Variants in EXPH5 observed in about 807,000 individuals in gnomAD.
The protein encoded by EXPH5 is exophilin 5.
EXPH5 carries 42 observed loss-of-function variants against 41.1 expected under a neutral mutation model. The ratio of observed to expected loss-of-function variants is 1.02; its 90% CI spans 0.80 to 1.32. The LOEUF is 1.32. EXPH5 is among the 40% of genes most tolerant of loss of function. EXPH5 has a pLI of 0.00. For missense variants in EXPH5, 2,298 were observed against 2,314.5 expected, an observed-to-expected ratio of 0.99 and a Z score of 0.15; for synonymous variants, 798 against 833.5, an observed-to-expected ratio of 0.96 and a Z score of 0.73.
chr11:108,606,573 C>G, the EXPH5 span, among the ~76,000 whole-genome samples: 1 of 152,100 alleles, frequency 6.6e-6, no homozygotes, highest in Non-Finnish European at 1.5e-5. Flanking sequence ...CTCTAATGAG[C>G]TTGCAAACTC....
rs138271058 is a variant in EXPH5, at chr11:108,512,239, G to C, written c.3268C>G (p.Leu1090Val). The C allele has an allele frequency of 2.0e-4, 325 of 1,609,860 alleles. 1 individual carries two copies. The highest frequency in any genetic ancestry group is 1.9e-4 in the Admixed American group (11 of 59,022). Residue 1090 changes from leucine (L) to valine (V), a missense_variant, in exon 6 of 6, where the codon CTG becomes GTG. Coordinates refer to ENST00000265843, the MANE Select transcript of EXPH5 (RefSeq NM_015065.3). ...ECSKVLSDSA[L>V]EAPEATERMT... is the part of the protein sequence containing the mutation. ...CTCTCTGTGGCTTCAGGTGCTTCCA[G>C]GGCTGAGTCTGAAAGGACTTTGGAA...
chr11:108,594,726 A>G (rs2136134537), upstream of EXPH5, among the ~76,000 whole-genome samples: 1 of 152,358 alleles, frequency 6.6e-6, no homozygotes, highest in African/African-American at 2.4e-5. Flanking sequence ...GGTGATGATT[A>G]CTAACATATA....
intron 4 of EXPH5, among the ~76,000 whole-genome samples, chr11:108,526,530 G>A (rs1004267834): frequency 1.3e-5 from 2 of 152,196 alleles, no homozygotes; most frequent in Admixed American, 1.3e-4. Flanking sequence ...CTTCCCCTAG[G>A]AAAACCGAGA....
At chr11:108,532,678 G>A (rs769147098) in intron 3 of EXPH5, among the ~76,000 whole-genome samples, 1 of 151,976 alleles carries the variant, frequency 6.6e-6, no homozygotes, top group Non-Finnish European at 1.5e-5. Flanking sequence ...AACAAACAAA[G>A]CTTCCTTCAC....
At chr11:108,571,205 A>G (rs902509546) in intron 1 of EXPH5, among the ~76,000 whole-genome samples, 6 of 152,220 alleles carry the variant, frequency 3.9e-5, no homozygotes, top group African/African-American at 7.2e-5. Flanking sequence ...CCTTTTAAAG[A>G]CTTGCCTGGA....
At chr11:108,576,537 A>C (rs2094080249) in intron 1 of EXPH5, among the ~76,000 whole-genome samples, 1 of 152,176 alleles carries the variant, frequency 6.6e-6, no homozygotes, top group Non-Finnish European at 1.5e-5. Flanking sequence ...GGATAGTTTT[A>C]TGTTATATTA....
chr11:108,587,721 T>C (rs2094117626), intron 1 of EXPH5, among the ~76,000 whole-genome samples: 1 of 152,236 alleles, frequency 6.6e-6, no homozygotes, highest in South Asian at 2.1e-4. Context: ...ACATTCCATA[T>C]TTATTATCCA....
At chr11:108,587,835 C>A (rs774289147) in intron 1 of EXPH5, among the ~76,000 whole-genome samples, 11 of 152,192 alleles carry the variant, frequency 7.2e-5, no homozygotes, top group Non-Finnish European at 1.5e-4. Context: ...TCACTGCAAC[C>A]TCCACCTCCT....
At chr11:108,533,482 C>T (rs1228677991) in intron 3 of EXPH5, among the ~76,000 whole-genome samples, 1 of 152,176 alleles carries the variant, frequency 6.6e-6, no homozygotes, top group Non-Finnish European at 1.5e-5. Context: ...GGATTACAGG[C>T]GTGAGCCACC....
chr11:108,587,038 C>A (rs1426580361), intron 1 of EXPH5, among the ~76,000 whole-genome samples: 7 of 152,204 alleles, frequency 4.6e-5, no homozygotes, highest in Non-Finnish European at 8.8e-5. Flanking sequence ...CATGCCTTAG[C>A]TAGCACTTCT....
intron 3 of EXPH5, among the ~76,000 whole-genome samples, chr11:108,533,235 G>A (rs188054399): frequency 1.3e-3 from 202 of 151,114 alleles, no homozygotes; most frequent in African/African-American, 4.6e-3. Context: ...ATGGAGTCTT[G>A]CTCTGTCATT....
chr11:108,530,690 T>G (rs2093831718), intron 3 of EXPH5, among the ~76,000 whole-genome samples: 1 of 152,076 alleles, frequency 6.6e-6, no homozygotes, highest in Non-Finnish European at 1.5e-5. Flanking sequence ...CCCTTCTGAT[T>G]TGGAGTGATG....
Position 108,559,254 on chromosome 11 carries a change from G to T in EXPH5, c.120-17442C>A, listed in dbSNP as rs140076619. The stretch of plus-strand genomic sequence containing the variant: ...AATAACCGAAAAAATGAATACAAGA[G>T]AATGAAAAACTAGATTTTAGCTTTT... On this transcript the variant is annotated intron_variant, in intron 1 of 5. Coordinates refer to ENST00000265843, the MANE Select transcript of EXPH5 (RefSeq NM_015065.3). 1.8e-3 allele frequency among the ~76,000 whole-genome samples: 281 copies of T among 152,304 alleles called. 1 individual carries two copies. The highest frequency in any genetic ancestry group is 6.3e-3 in the African/African-American group (262 of 41,566).
intron 4 of EXPH5, among the ~76,000 whole-genome samples, chr11:108,526,369 T>G (rs2093799133): frequency 6.6e-6 from 1 of 152,206 alleles, no homozygotes; most frequent in African/African-American, 2.4e-5. Flanking sequence ...ACTGTCAAAG[T>G]AAGATGTCTA....
intron 1 of EXPH5, among the ~76,000 whole-genome samples, chr11:108,555,619 G>C (rs759519766): frequency 1.3e-5 from 2 of 152,132 alleles, no homozygotes; most frequent in Non-Finnish European, 2.9e-5. Flanking sequence ...ATTGTATTCT[G>C]AATTGTAATC....
intron 1 of EXPH5, among the ~76,000 whole-genome samples, chr11:108,554,561 G>A (rs1329176707): frequency 6.6e-6 from 1 of 152,112 alleles, no homozygotes; most frequent in African/African-American, 2.4e-5. Context: ...AGGTGGTGGA[G>A]GGATAATGGG....
rs545633927 is a variant in EXPH5, at chr11:108,514,057, C to T, written c.1450G>A (p.Glu484Lys). The stretch of plus-strand genomic sequence containing the variant: ...TCAGACCAGAAAGAATGTCCTTTCT[C>T]TTGGCCCCAAAAAGGACCTTGTCCA... Reference protein sequence around the residue: ...RFGQGPFWGQEKGHSFWSDFH... With the variant: ...RFGQGPFWGQKKGHSFWSDFH... Residue 484 changes from glutamate (E) to lysine (K), a missense_variant, in exon 6 of 6, where the codon GAG (glutamate) becomes AAG (lysine). Glu to Lys is a moderately conservative substitution (Grantham distance 56). Coordinates refer to ENST00000265843, the MANE Select transcript of EXPH5 (RefSeq NM_015065.3). 6.2e-7 allele frequency: 1 copy of T among 1,614,092 alleles called. No homozygotes were observed. Among genetic ancestry groups the T allele is most frequent in the East Asian group, 2.2e-5 (1 of 44,882 alleles).
chr11:108,593,200 G>T (rs1215352681), intron 1 of EXPH5, among the ~76,000 whole-genome samples: 1 of 141,602 alleles, frequency 7.1e-6, no homozygotes, highest in East Asian at 2.5e-4. Context: ...AGCCGAGCCC[G>T]TCTGGTATGT....
rs1301648995 is a variant in EXPH5 at position 108,511,249 on chromosome 11, T to C, written c.4258A>G (p.Ser1420Gly). ...GGAAGACTAGAGGGACCACTGTTAC[T>C]TGAATTAATGGATTGTTGACAATTT... The part of the protein sequence containing the change: ...SENCQQSINS[S>G]NSGPSSLPAL... The change falls in exon 6 of 6, where the codon AGT becomes GGT. Residue 1420 changes from serine to glycine, a missense_variant. By Grantham distance (56) the Ser-to-Gly change is moderately conservative. Coordinates refer to ENST00000265843, the MANE Select transcript of EXPH5 (RefSeq NM_015065.3). 1 of 1,605,964 alleles carries C rather than the reference T, an allele frequency of 6.2e-7. No individual in the cohort carries two copies. The highest frequency in any genetic ancestry group is 8.5e-7 in the Non-Finnish European group (1 of 1,178,278).
Sources: allele counts gnomAD v4.1 joint callset (sites outside exome capture counted in the v4.1 genomes callset), GRCh38; gene constraint gnomAD v4.1.1; transcripts MANE v1.5; gene names NCBI Gene and HGNC (gene_info 2026-07-23, HGNC 2026-07-21).